Variants in RANBP17 observed in about 807,000 individuals in gnomAD.
RANBP17 encodes the protein RAN binding protein 17.
A neutral mutation model predicts 141.2 loss-of-function variants in RANBP17; 158 were observed. That is an observed-to-expected ratio of 1.12 (90% CI 0.98 to 1.28). RANBP17 has a LOEUF of 1.28. Ranked by LOEUF, RANBP17 falls within the 50% of genes most tolerant of loss-of-function variation. The pLI, the probability that RANBP17 is intolerant of heterozygous loss-of-function variation, is 0.00. For missense variants in RANBP17, 1,438 were observed against 1,290.7 expected (o/e 1.11, Z -1.75); for synonymous variants, 430 against 450.0 (o/e 0.96, Z 0.56).
intron 14 of RANBP17, among the ~76,000 whole-genome samples, chr5:171,063,242 T>A (rs1016884513): frequency 3.3e-5 from 5 of 152,254 alleles, no homozygotes; most frequent in Admixed American, 3.3e-4. Context: ...CGCTCTGCTT[T>A]TTAGAGTTTC....
chr5:170,886,418 AT>A (rs768669250), intron 3 of RANBP17, among the ~76,000 whole-genome samples: 7 of 152,132 alleles, frequency 4.6e-5, no homozygotes, highest in Non-Finnish European at 8.8e-5. Flanking sequence ...AGGCTAGGAG[AT>A]TAGCAGCTTT....
chr5:171,005,516 G>A (rs1779534162), intron 14 of RANBP17, among the ~76,000 whole-genome samples: 2 of 152,182 alleles, frequency 1.3e-5, no homozygotes, highest in African/African-American at 4.8e-5. Flanking sequence ...TTTAATAAAT[G>A]GTGCTGGGAA....
rs1784822192 is a variant in RANBP17 at position 171,074,840 on chromosome 5, C to T, written c.1711-95290C>T. ...TGAAAAAGCTTGTTTATATTATTTA[C>T]ACACTATTTTTGAGACTTTGTGTTC... is the stretch of plus-strand genomic sequence containing the variant. On this transcript the variant is annotated intron_variant, in intron 14 of 27. Transcript: ENST00000523189. Among the ~76,000 whole-genome samples, 3 of 152,068 alleles carry T rather than the reference C, an allele frequency of 2.0e-5. No individual in the cohort carries two copies. In the South Asian group the frequency reaches 6.2e-4, roughly 31 times the overall value.
intron 14 of RANBP17, among the ~76,000 whole-genome samples, chr5:171,133,666 G>A (rs998558794): frequency 6.6e-6 from 1 of 152,120 alleles, no homozygotes; most frequent in African/African-American, 2.4e-5. Flanking sequence ...TAGGCTACCC[G>A]GAATTTTCAG....
chr5:171,112,903 T>G (rs1400757327), intron 14 of RANBP17, among the ~76,000 whole-genome samples: 3 of 152,118 alleles, frequency 2.0e-5, no homozygotes, highest in Non-Finnish European at 2.9e-5. Context: ...ATCCAGGGCC[T>G]TCTTGGCTTT....
chr5:171,252,183 C>A, intron 24 of RANBP17: 1 of 1,580,844 alleles, frequency 6.3e-7, no homozygotes, highest in Non-Finnish European at 8.7e-7. Context: ...GCAACAAGAT[C>A]CCCCATGAAT....
intron 1 of RANBP17, among the ~76,000 whole-genome samples, chr5:170,871,929 G>A (rs1260264342): frequency 6.6e-6 from 1 of 152,200 alleles, no homozygotes; most frequent in Non-Finnish European, 1.5e-5. Flanking sequence ...TAGCCTTGCA[G>A]TATAGTCTGA....
chr5:171,005,536 G>A (rs1322579264), intron 14 of RANBP17, among the ~76,000 whole-genome samples: 1 of 152,172 alleles, frequency 6.6e-6, no homozygotes, highest in African/African-American at 2.4e-5. Flanking sequence ...AAACTGGCTA[G>A]CCATATGTAG....
At chr5:171,015,345 GTACTT>G (rs557265630) in intron 14 of RANBP17, among the ~76,000 whole-genome samples, 3 of 152,026 alleles carry the variant, frequency 2.0e-5, no homozygotes, top group African/African-American at 4.8e-5. Flanking sequence ...GTTTCTGTAT[GTACTT>G]TACTTTGGAT....
Position 170,905,329 on chromosome 5 carries a change from T to C in RANBP17, c.490-4332T>C, listed in dbSNP as rs544924449. 5.9e-5 allele frequency among the ~76,000 whole-genome samples: 9 copies of C among 152,278 alleles called. No individual in the cohort carries two copies. The East Asian group carries it at 9.6e-4, about 16-fold the overall frequency. Reference sequence around the variant, plus strand: ...TTAAAAACTGTCATCTTGAGTGATATGTGTTTGCGTGTGGGCATGCATGTC... The same window carrying C: ...TTAAAAACTGTCATCTTGAGTGATACGTGTTTGCGTGTGGGCATGCATGTC... On this transcript the variant is annotated intron_variant, in intron 5 of 27. Coordinates refer to ENST00000523189, the MANE Select transcript of RANBP17 (RefSeq NM_022897.5).
At chr5:171,242,871 T>G in intron 24 of RANBP17, 51 bp downstream of exon 24, 1 of 1,523,716 alleles carries the variant, frequency 6.6e-7, no homozygotes, top group Non-Finnish European at 9.1e-7. Flanking sequence ...GATTATGGGC[T>G]TTTAATGTAT....
intron 18 of RANBP17, among the ~76,000 whole-genome samples, chr5:171,194,150 T>C (rs1581836055): frequency 6.6e-6 from 1 of 152,234 alleles, no homozygotes. Context: ...CACTGTTTTG[T>C]GTACATTTCG....
chr5:170,879,636 A>G (rs1020990054), intron 2 of RANBP17, among the ~76,000 whole-genome samples: 14 of 152,178 alleles, frequency 9.2e-5, no homozygotes, highest in African/African-American at 3.1e-4. Context: ...GAGGAACATT[A>G]TCAATTTTGC....
At chr5:170,968,669 G>A (rs1776768961) in intron 14 of RANBP17, 3 of 483,642 alleles carry the variant, frequency 6.2e-6, no homozygotes, top group African/African-American at 2.0e-5. Flanking sequence ...TGTATTTCAA[G>A]ACTGAAAGCA....
intron 25 of RANBP17, among the ~76,000 whole-genome samples, chr5:171,276,665 G>A (rs1332668500): frequency 6.6e-6 from 1 of 152,062 alleles, no homozygotes; most frequent in Admixed American, 6.5e-5. Context: ...GGATAGCAAA[G>A]GAGTGGTAAA....
chr5:170,882,329 C>G (rs1467972202), intron 3 of RANBP17, among the ~76,000 whole-genome samples: 1 of 152,138 alleles, frequency 6.6e-6, no homozygotes, highest in East Asian at 1.9e-4. Context: ...ATCCGCCCTC[C>G]TTGGCCTCCC....
chr5:171,071,257 A>G (rs1368603457), intron 14 of RANBP17, among the ~76,000 whole-genome samples: 1 of 152,058 alleles, frequency 6.6e-6, no homozygotes, highest in East Asian at 1.9e-4. Flanking sequence ...AATTGAGCTC[A>G]ATATTGTTAA....
chr5:171,030,520 A>T lies in RANBP17; in HGVS notation c.1710+62143A>T, dbSNP rs369770979. Among the ~76,000 whole-genome samples the T allele has an allele frequency of 9.2e-5, 14 of 152,148 alleles. No homozygotes were observed. The South Asian group carries it at 2.9e-3, about 32-fold the overall frequency. Reference sequence around the variant, plus strand: ...CTTGAACAGAAAAGCCATTTATTTAATTCTGCTTCAGATTCTAGTAGAAAA... The same window carrying T: ...CTTGAACAGAAAAGCCATTTATTTATTTCTGCTTCAGATTCTAGTAGAAAA... On this transcript the variant is annotated intron_variant, in intron 14 of 27. Coordinates refer to ENST00000523189, the MANE Select transcript of RANBP17 (RefSeq NM_022897.5).
At chr5:171,290,677 C>G (rs1011939725) in intron 25 of RANBP17, among the ~76,000 whole-genome samples, 9 of 152,164 alleles carry the variant, frequency 5.9e-5, no homozygotes, top group Non-Finnish European at 2.9e-5. Flanking sequence ...TGAACTGTTT[C>G]CTATTTTGGT....
Sources: gnomAD v4.1 joint callset for allele counts (sites outside exome capture counted in the v4.1 genomes callset) on GRCh38, gnomAD v4.1.1 for gene constraint, MANE v1.5 for transcripts, NCBI Gene and HGNC (gene_info 2026-07-23, HGNC 2026-07-21) for gene names.